The following INPP5D variants were observed in gnomAD, a reference collection of about 807,000 sequenced individuals.
The protein encoded by INPP5D is inositol polyphosphate-5-phosphatase D.
In INPP5D, 33 loss-of-function variants were observed where a neutral mutation model predicts 122.9. That is an observed-to-expected ratio of 0.27 (90% CI 0.20 to 0.36). The LOEUF (loss-of-function observed/expected upper bound fraction) is 0.36, where lower values mean the gene tolerates loss of function less well. Ranked by LOEUF, INPP5D falls within the 10% of genes least tolerant of loss-of-function variation. The pLI is 1.00. For missense variants in INPP5D, 1,053 were observed against 1,412.7 expected (o/e 0.75, Z 4.08); for synonymous variants, 584 against 576.2 (o/e 1.01, Z -0.19).
intron 17 of INPP5D, among the ~76,000 whole-genome samples, chr2:233,173,790 A>G (rs1694551368): frequency 1.3e-5 from 2 of 152,140 alleles, no homozygotes; most frequent in South Asian, 2.1e-4. Context: ...AAAATTAGCT[A>G]GGCGTAGTGG....
intron 9 of INPP5D, 43 bp downstream of exon 9, chr2:233,147,637 T>C (rs1339880788): frequency 1.4e-6 from 1 of 697,912 alleles, no homozygotes; most frequent in Middle Eastern, 2.3e-4. Context: ...CTCACCTGCC[T>C]GTGGAATTCC....
Position 233,130,795 on chromosome 2 carries a change from C to G in INPP5D, c.665+147C>G, listed in dbSNP as rs548414366. ...TGAGTGGTGAGCACAGCTTGGAAAT[C>G]TCTGTGGTTGTTTGGAGGTCTTGTT... On this transcript the variant is annotated intron_variant, in intron 5 of 26. Coordinates refer to ENST00000445964, the MANE Select transcript of INPP5D (RefSeq NM_001017915.3). 49 of 878,626 alleles carry G rather than the reference C, an allele frequency of 5.6e-5. No homozygotes were observed. The African/African-American group carries it at 7.7e-4, about 14-fold the overall frequency. 54.4% of individuals were successfully genotyped at this position (878,626 alleles called of 1,614,324 possible).
rs117128048 is a variant in INPP5D at position 233,133,526 on chromosome 2, G to A, written c.665+2878G>A. Among the ~76,000 whole-genome samples the A allele has an allele frequency of 2.2e-4, 33 of 152,308 alleles. No homozygotes were observed. In the East Asian group the frequency reaches 5.0e-3, roughly 23 times the overall value. ...AAGCTGGTCAACAAGTAAAAGCACA[G>A]GCTGCCCAGAGAGGTGGAATTTTAG... On this transcript the variant is annotated intron_variant, in intron 5 of 26. Transcript: ENST00000445964.
chr2:233,198,120 A>T lies in INPP5D; in HGVS notation c.2719A>T (p.Ile907Phe), dbSNP rs777232196. 6.2e-6 allele frequency: 10 copies of T among 1,610,408 alleles called. No individual in the cohort carries two copies. The highest frequency in any genetic ancestry group is 8.5e-6 in the Non-Finnish European group (10 of 1,178,002). ...SRAPPCSGSS[I>F]TEIINPNYMG... ...GGCCCCTCCGTGCAGTGGCTCCAGC[A>T]TCACTGAAATCATCAACCCCAACTA... The change falls in exon 25 of 27, where the codon ATC becomes TTC. Residue 907 changes from isoleucine (I) to phenylalanine (F), a missense_variant. Coordinates refer to ENST00000445964, the MANE Select transcript of INPP5D (RefSeq NM_001017915.3).
intron 1 of INPP5D, among the ~76,000 whole-genome samples, chr2:233,066,245 C>A (rs1024533992): frequency 1.1e-4 from 16 of 152,174 alleles, no homozygotes; most frequent in Non-Finnish European, 2.4e-4. Flanking sequence ...TGAGCCGCTG[C>A]ACGCAGCCTC....
At chr2:233,167,674 T>C (rs1694380255) in intron 13 of INPP5D, among the ~76,000 whole-genome samples, 1 of 151,898 alleles carries the variant, frequency 6.6e-6, no homozygotes, top group African/African-American at 2.4e-5. Flanking sequence ...TATCCAGGGG[T>C]CCCTTCAGCC....
At chr2:233,125,951 C>T in intron 4 of INPP5D, 32 bp downstream of exon 4, 1 of 1,601,770 alleles carries the variant, frequency 6.2e-7, no homozygotes, top group South Asian at 1.1e-5. Context: ...GCTGGGCCTT[C>T]ATCTGCAGTG....
intron 5 of INPP5D, among the ~76,000 whole-genome samples, chr2:233,133,398 G>T (rs10933434): frequency 0.47 from 71,682 of 151,838 alleles, 17,361 homozygotes; most frequent in African/African-American, 0.55. Flanking sequence ...AAGTACAAAG[G>T]TCCTGAGGCA....
chr2:233,133,886 C>T (rs1693397546), intron 5 of INPP5D: 1 of 439,024 alleles, frequency 2.3e-6, no homozygotes, highest in Admixed American at 2.4e-5. Context: ...GGGTCTGTGT[C>T]TGTTTTGCTT....
At chr2:233,126,467 C>T (rs1452721801) in intron 4 of INPP5D, among the ~76,000 whole-genome samples, 1 of 152,216 alleles carries the variant, frequency 6.6e-6, no homozygotes, top group Non-Finnish European at 1.5e-5. Context: ...TTCCTATTTC[C>T]ACCTGGACAT....
intron 6 of INPP5D, among the ~76,000 whole-genome samples, chr2:233,142,023 C>T (rs961337337): frequency 8.1e-4 from 124 of 152,324 alleles, no homozygotes; most frequent in Middle Eastern, 3.4e-3. Flanking sequence ...AGGGGCTCTG[C>T]CCGACACTTG....
chr2:233,149,562 C>T (rs1292412930), intron 9 of INPP5D, among the ~76,000 whole-genome samples: 1 of 152,130 alleles, frequency 6.6e-6, no homozygotes, highest in Non-Finnish European at 1.5e-5. Context: ...GGCTCTATAA[C>T]CTGCTTTAGA....
chr2:233,064,089 C>T (rs776471758), intron 1 of INPP5D, among the ~76,000 whole-genome samples: 2 of 152,276 alleles, frequency 1.3e-5, no homozygotes, highest in Non-Finnish European at 2.9e-5. Context: ...ACAGGCAAAG[C>T]TGATCAAAGG....
intron 2 of INPP5D, among the ~76,000 whole-genome samples, chr2:233,113,613 CT>C (rs1442954723): frequency 6.6e-6 from 1 of 152,158 alleles, no homozygotes; most frequent in African/African-American, 2.4e-5. Flanking sequence ...CACTGCCCAC[CT>C]TTCCTATCTC....
At chr2:233,194,986 G>T (rs1452286011) in intron 23 of INPP5D, among the ~76,000 whole-genome samples, 2 of 152,108 alleles carry the variant, frequency 1.3e-5, no homozygotes, top group Non-Finnish European at 2.9e-5. Context: ...AGTAGAGACA[G>T]TGTTTCACCA....
intron 21 of INPP5D, among the ~76,000 whole-genome samples, chr2:233,187,298 T>C (rs1331533351): frequency 1.3e-5 from 2 of 152,168 alleles, no homozygotes; most frequent in African/African-American, 4.8e-5. Flanking sequence ...TTGTTCATGC[T>C]GGGTGGGAAG....
chr2:233,171,013 A>T (rs1019937891), intron 16 of INPP5D, 51 bp from the exon 17 acceptor site: 23 of 1,598,622 alleles, frequency 1.4e-5, no homozygotes, highest in Non-Finnish European at 2.0e-5. Flanking sequence ...AAAATTGGCC[A>T]GATGCAAAAC....
chr2:233,060,626 G>C lies in INPP5D; in HGVS notation c.134+14G>C. 1 of 1,613,348 alleles carries C rather than the reference G, an allele frequency of 6.2e-7. No individual in the cohort carries two copies. Among genetic ancestry groups the C allele is most frequent in the Non-Finnish European group, 8.5e-7 (1 of 1,179,326 alleles). On this transcript the variant is annotated intron_variant, in intron 1 of 26. Coordinates refer to ENST00000445964, the MANE Select transcript of INPP5D (RefSeq NM_001017915.3). ...GCTCTGCGTGCTGTGAGTACAACCT[G>C]CTCCCTCCCCGGGCACAGATATGAC...
intron 25 of INPP5D, among the ~76,000 whole-genome samples, chr2:233,203,066 C>T (rs1006219760): frequency 5.9e-5 from 9 of 152,222 alleles, no homozygotes; most frequent in Non-Finnish European, 1.3e-4. Flanking sequence ...GTCGGGCCCC[C>T]TGAGCTCAGA....
Sources: allele counts gnomAD v4.1 joint callset (sites outside exome capture counted in the v4.1 genomes callset), GRCh38; gene constraint gnomAD v4.1.1; transcripts MANE v1.5; gene names NCBI Gene and HGNC (gene_info 2026-07-23, HGNC 2026-07-21).